The following F13A1 variants were observed in gnomAD, a reference collection of about 807,000 sequenced individuals.
F13A1 encodes FSF, A subunit.
F13A1 carries 47 observed loss-of-function variants against 80.1 expected under a neutral mutation model. That is an observed-to-expected ratio of 0.59 (90% CI 0.46 to 0.75). The LOEUF is 0.75. F13A1 is among the 30% of genes least tolerant of loss of function. The pLI is 0.00. For missense variants in F13A1, 817 were observed against 930.4 expected, an observed-to-expected ratio of 0.88 and a Z score of 1.59; for synonymous variants, 349 against 344.9, an observed-to-expected ratio of 1.01 and a Z score of -0.13.
At chr6:6,192,244 C>T (rs956936777) in intron 10 of F13A1, among the ~76,000 whole-genome samples, 1 of 152,080 alleles carries the variant, frequency 6.6e-6, no homozygotes, top group African/African-American at 2.4e-5. Flanking sequence ...TGGAACTCCA[C>T]CAGAAGGGTT....
intron 13 of F13A1, among the ~76,000 whole-genome samples, chr6:6,155,059 A>G (rs542601618): frequency 5.8e-4 from 88 of 152,334 alleles, no homozygotes; most frequent in African/African-American, 2.0e-3. Flanking sequence ...GATATATACA[A>G]TATGGGCATG....
intron 6 of F13A1, among the ~76,000 whole-genome samples, chr6:6,245,893 C>T (rs933085033): frequency 1.3e-5 from 2 of 152,188 alleles, no homozygotes; most frequent in Admixed American, 6.5e-5. Flanking sequence ...CATTTGCAAC[C>T]TGCGAATGGG....
At chr6:6,174,977 A>G (rs957742534) in intron 11 of F13A1, 110 bp from the exon 12 acceptor site, 1 of 1,312,090 alleles carries the variant, frequency 7.6e-7, no homozygotes, top group Non-Finnish European at 1.1e-6. Context: ...CTATAATACA[A>G]GCTTCAGACC....
intron 8 of F13A1, among the ~76,000 whole-genome samples, chr6:6,201,947 A>G (rs1351409668): frequency 6.6e-6 from 1 of 152,134 alleles, no homozygotes; most frequent in African/African-American, 2.4e-5. Flanking sequence ...GCATATCTTT[A>G]ATTTTTTAAA....
Position 6,197,308 on chromosome 6 carries a change from A to T in F13A1, c.1131T>A (p.Asn377Lys). 3 of 1,614,174 alleles carry T rather than the reference A, an allele frequency of 1.9e-6. No homozygotes were observed. Among genetic ancestry groups the T allele is most frequent in the Non-Finnish European group, 2.5e-6 (3 of 1,180,014 alleles). Residue 377 changes from asparagine to lysine, a missense_variant, in exon 9 of 15, where the codon AAT becomes AAA. Coordinates refer to ENST00000264870, the MANE Select transcript of F13A1 (RefSeq NM_000129.4). Reference sequence around the variant, plus strand: ...GGTCAGGCCTTGTCATCCATGCTTCATTCCAGCAGTGGTAGTTCCTTAGAA... The same window carrying T: ...GGTCAGGCCTTGTCATCCATGCTTCTTTCCAGCAGTGGTAGTTCCTTAGAA... ...KDSVWNYHCW[N>K]EAWMTRPDLP... is the part of the protein sequence containing the mutation.
At chr6:6,267,515 T>C (rs1757861489) in intron 3 of F13A1, among the ~76,000 whole-genome samples, 1 of 152,208 alleles carries the variant, frequency 6.6e-6, no homozygotes, top group African/African-American at 2.4e-5. Flanking sequence ...CTTGCCCTTT[T>C]TACCAGAGGC....
At position 6,217,624 on chromosome 6, in the gene F13A1, CAT is replaced by C. The variant is rs370114786; in HGVS notation, c.1112+4407_1112+4408del. 5.5e-4 allele frequency among the ~76,000 whole-genome samples: 83 copies of C among 152,106 alleles called. 1 individual carries two copies. In the South Asian group the frequency reaches 0.017, roughly 30 times the overall value. On this transcript the variant is annotated intron_variant, in intron 8 of 14. Coordinates refer to ENST00000264870, the MANE Select transcript of F13A1 (RefSeq NM_000129.4). ...AGCGCACCAGCATGGCACATGTATA[CAT>C]ATGTTACTAACCTGCACGTTGTGCA...
chr6:6,306,698 C>T (rs1223541892), intron 2 of F13A1, among the ~76,000 whole-genome samples: 1 of 152,260 alleles, frequency 6.6e-6, no homozygotes, highest in Non-Finnish European at 1.5e-5. Flanking sequence ...CAGGGGTGCC[C>T]TGGCCTCTTG....
Position 6,311,049 on chromosome 6 carries a change from T to TAAAAA in F13A1, c.131-5515_131-5511dup, listed in dbSNP as rs368426296. ...CAGGAAACATCTGTCTTTTTTTTTT[T>TAAAAA]AAAAAAAAGTATCATTGTCTCTTTG... On this transcript the variant is annotated intron_variant, in intron 2 of 14. Coordinates refer to ENST00000264870, the MANE Select transcript of F13A1 (RefSeq NM_000129.4). Among the ~76,000 whole-genome samples the TAAAAA allele has an allele frequency of 2.6e-3, 386 of 151,152 alleles. 3 individuals carry two copies. The highest frequency in any genetic ancestry group is 6.6e-3 in the African/African-American group (270 of 41,176).
At chr6:6,307,599 T>G (rs1758531599) in intron 2 of F13A1, among the ~76,000 whole-genome samples, 1 of 152,128 alleles carries the variant, frequency 6.6e-6, no homozygotes, top group South Asian at 2.1e-4. Context: ...GAAATGGGTT[T>G]CATCAGTTCT....
At chr6:6,177,091 C>G (rs1432988244) in intron 11 of F13A1, among the ~76,000 whole-genome samples, 2 of 152,194 alleles carry the variant, frequency 1.3e-5, no homozygotes, top group Non-Finnish European at 2.9e-5. Flanking sequence ...GCTCTGGCAT[C>G]TTACATAATT....
intron 6 of F13A1, among the ~76,000 whole-genome samples, chr6:6,230,493 GTCCTT>G (rs1416244344): frequency 6.6e-6 from 1 of 152,058 alleles, no homozygotes; most frequent in Non-Finnish European, 1.5e-5. Context: ...CCAGTTGATG[GTCCTT>G]TCCTACCTAC....
At chr6:6,184,139 A>G (rs1761036869) in intron 10 of F13A1, among the ~76,000 whole-genome samples, 1 of 152,214 alleles carries the variant, frequency 6.6e-6, no homozygotes, top group Non-Finnish European at 1.5e-5. Context: ...GACATTTTAT[A>G]AAGGATTTAG....
chr6:6,232,578 T>C (rs755809134), intron 6 of F13A1, among the ~76,000 whole-genome samples: 2 of 152,176 alleles, frequency 1.3e-5, no homozygotes, highest in Non-Finnish European at 2.9e-5. Flanking sequence ...ACAATAGATT[T>C]AAACTATACC....
chr6:6,213,072 C>A (rs376857335), intron 8 of F13A1, among the ~76,000 whole-genome samples: 4 of 152,080 alleles, frequency 2.6e-5, no homozygotes, highest in Non-Finnish European at 5.9e-5. Flanking sequence ...CTGAAAGTGA[C>A]GGGGAGAATG....
chr6:6,185,284 C>G (rs1370176094), intron 10 of F13A1, among the ~76,000 whole-genome samples: 1 of 123,228 alleles, frequency 8.1e-6, no homozygotes, highest in Non-Finnish European at 1.7e-5. Flanking sequence ...TCCCCCCTCC[C>G]CCCACCCCAC....
intron 4 of F13A1, among the ~76,000 whole-genome samples, chr6:6,252,611 C>A (rs973766412): frequency 6.6e-6 from 1 of 152,162 alleles, no homozygotes; most frequent in South Asian, 2.1e-4. Context: ...ATTCATTGTG[C>A]TACTCTTTCT....
chr6:6,289,685 T>C (rs1036874422), intron 3 of F13A1, among the ~76,000 whole-genome samples: 5 of 152,166 alleles, frequency 3.3e-5, no homozygotes, highest in African/African-American at 9.7e-5. Context: ...AAAAATCAGA[T>C]CTTAATACTC....
intron 6 of F13A1, among the ~76,000 whole-genome samples, chr6:6,242,000 T>C (rs1453714092): frequency 6.6e-6 from 1 of 152,192 alleles, no homozygotes; most frequent in Non-Finnish European, 1.5e-5. Context: ...GAGGAGCTGC[T>C]TGGCAAGATA....
Sources: allele counts gnomAD v4.1 joint callset (sites outside exome capture counted in the v4.1 genomes callset), GRCh38; gene constraint gnomAD v4.1.1; transcripts MANE v1.5; gene names NCBI Gene and HGNC (gene_info 2026-07-23, HGNC 2026-07-21).